PDCD4: variants seen among roughly 807,000 people sequenced by gnomAD.
PDCD4 encodes the protein programmed cell death 4.
A neutral mutation model predicts 54.0 loss-of-function variants in PDCD4; 56 were observed. The ratio of observed to expected loss-of-function variants is 1.04; its 90% CI spans 0.84 to 1.30. The LOEUF (loss-of-function observed/expected upper bound fraction) is 1.30. Among genes scored for constraint, PDCD4 ranks in the 50% most tolerant of loss-of-function variants. PDCD4 has a pLI of 0.00. For missense variants in PDCD4, 584 were observed against 559.8 expected (o/e 1.04, Z -0.44); for synonymous variants, 186 against 194.8 (o/e 0.95, Z 0.37).
chr10:110,886,928 C>T (rs1171818434), intron 5 of PDCD4, among the ~76,000 whole-genome samples: 2 of 152,002 alleles, frequency 1.3e-5, no homozygotes, highest in Non-Finnish European at 2.9e-5. Context: ...ATTTTTATTT[C>T]AAGAGAAGTC....
chr10:110,893,507 A>G (rs1165441897), intron 8 of PDCD4, among the ~76,000 whole-genome samples: 1 of 151,844 alleles, frequency 6.6e-6, no homozygotes, highest in Non-Finnish European at 1.5e-5. Context: ...GAGATGTTCA[A>G]GTTTGAGCGG....
At chr10:110,894,350 C>A in intron 9 of PDCD4, 62 bp from the exon 10 acceptor site, 1 of 932,090 alleles carries the variant, frequency 1.1e-6, no homozygotes, top group Non-Finnish European at 1.7e-6. Context: ...CATCTAGGTG[C>A]ATTTTAGGAG....
intron 2 of PDCD4, among the ~76,000 whole-genome samples, chr10:110,877,245 T>G (rs1344776241): frequency 6.6e-6 from 1 of 152,200 alleles, no homozygotes; most frequent in Non-Finnish European, 1.5e-5. Context: ...GGTAATTGCT[T>G]CTTTTCTGCA....
intron 11 of PDCD4, among the ~76,000 whole-genome samples, chr10:110,896,711 A>G (rs1845838739): frequency 6.6e-6 from 1 of 152,208 alleles, no homozygotes; most frequent in African/African-American, 2.4e-5. Context: ...ATGTAATAAT[A>G]TAAATGTTTA....
chr10:110,872,632 C>A (rs1284063130), intron 1 of PDCD4, among the ~76,000 whole-genome samples: 1 of 152,318 alleles, frequency 6.6e-6, no homozygotes, highest in Middle Eastern at 3.4e-3. Context: ...GGGGAGGGGC[C>A]GCGCGCTATC....
At chr10:110,893,818 C>T (rs1218860386) in intron 8 of PDCD4, among the ~76,000 whole-genome samples, 3 of 152,044 alleles carry the variant, frequency 2.0e-5, no homozygotes, top group African/African-American at 7.2e-5. Context: ...CAACCCAGGA[C>T]GCATGCATTA....
chr10:110,894,617 G>A, intron 10 of PDCD4, 95 bp downstream of exon 10: 2 of 606,902 alleles, frequency 3.3e-6, no homozygotes, highest in Non-Finnish European at 2.9e-6. Context: ...TTTTCTTTAG[G>A]TATGTTTAGT....
rs1465287337 is a variant in PDCD4 at position 110,881,402 on chromosome 10, T to G, written c.213T>G (p.Ser71=). ...TAAGGAAAAACTCATCCCGGGACTCTGGCAGAGGCGATTCGGTCAGCGACA... is the reference window on the plus strand; with the variant it reads ...TAAGGAAAAACTCATCCCGGGACTCGGGCAGAGGCGATTCGGTCAGCGACA... ...RRLRKNSSRD[S]GRGDSVSDSG... Residue 71 remains serine, a synonymous_variant, in exon 3 of 12, where the codon TCT becomes TCG. Transcript: ENST00000280154. 3.7e-6 allele frequency: 6 copies of G among 1,614,038 alleles called. No homozygotes were observed. The highest frequency in any genetic ancestry group is 5.1e-6 in the Non-Finnish European group (6 of 1,180,014).
At chr10:110,883,613 ATAAT>A (rs2135201485) in intron 4 of PDCD4, among the ~76,000 whole-genome samples, 1 of 152,302 alleles carries the variant, frequency 6.6e-6, no homozygotes, top group African/African-American at 2.4e-5. Flanking sequence ...ACAAACTTAA[ATAAT>A]TACAAACTCA....
chr10:110,880,273 A>G (rs1273833483), intron 2 of PDCD4: 1 of 152,298 alleles, frequency 6.6e-6, no homozygotes, highest in Non-Finnish European at 1.5e-5. Context: ...AGTGATTTCC[A>G]TGACGTGTTG....
intron 7 of PDCD4, 106 bp downstream of exon 7, chr10:110,889,736 G>C: frequency 1.4e-6 from 1 of 702,090 alleles, no homozygotes; most frequent in East Asian, 2.6e-5. Context: ...ACATCTGTTT[G>C]TCACTTCTCT....
In PDCD4 at chr10:110,899,167, TAACTC is replaced by T. The variant is rs1315592630; in HGVS notation, c.*1081_*1085del. On this transcript the variant is annotated 3_prime_UTR_variant, in exon 12 of 12. Coordinates refer to ENST00000280154, the MANE Select transcript of PDCD4 (RefSeq NM_014456.5). ...TTTTAACCTCTTTTACATAGCCTAA[TAACTC>T]AGCAAGGCCTCAACGTCTGTGCTAA... 4 of 152,224 alleles carry T rather than the reference TAACTC, an allele frequency of 2.6e-5. No homozygotes were observed. Among genetic ancestry groups the T allele is most frequent in the Non-Finnish European group, 5.9e-5 (4 of 68,022 alleles). The allele number at this position is 152,224 out of a possible 1,614,324, so 9.4% of individuals were successfully genotyped here. A position where few individuals can be genotyped will look rare whatever the true frequency, so the allele number is the denominator to read the frequency against.
rs985875614 is a variant in PDCD4 at position 110,899,789 on chromosome 10, CTT to C, written c.*1702_*1703del. 2 of 107,914 alleles carry C rather than the reference CTT, an allele frequency of 1.9e-5. No homozygotes were observed. Among genetic ancestry groups the C allele is most frequent in the African/African-American group, 6.5e-5 (2 of 30,714 alleles). 6.7% of individuals were successfully genotyped at this position (107,914 alleles called of 1,614,324 possible). ...TCGTTTGGGCAACAAGAGTGAAACTCTTGTCTCAAAAAAAAAAAAAAATGAGG... is the reference window on the plus strand; with the variant it reads ...TCGTTTGGGCAACAAGAGTGAAACTCGTCTCAAAAAAAAAAAAAAATGAGG... On this transcript the variant is annotated 3_prime_UTR_variant, in exon 12 of 12. Transcript: ENST00000280154.
chr10:110,898,260 CT>C lies in PDCD4; in HGVS notation c.*182del, dbSNP rs138010548. 9.3e-3 allele frequency: 3,088 copies of C among 331,036 alleles called. No individual in the cohort carries two copies. Among genetic ancestry groups the C allele is most frequent in the Middle Eastern group, 0.012 (15 of 1,286 alleles). 20.5% of individuals were successfully genotyped at this position (331,036 alleles called of 1,614,324 possible). The stretch of plus-strand genomic sequence containing the variant: ...GGAATTTTTAAAGGAAATGTTTTTT[CT>C]TTTTTTTTTGTTTTTCGAGGGGGCA... On this transcript the variant is annotated 3_prime_UTR_variant, in exon 12 of 12. Transcript: ENST00000280154.
chr10:110,889,055 C>T (rs1036250970), intron 6 of PDCD4, among the ~76,000 whole-genome samples: 2 of 151,774 alleles, frequency 1.3e-5, no homozygotes, highest in Non-Finnish European at 2.9e-5. Context: ...GATGGTGACA[C>T]CCCGTCTCTA....
rs1385425990 is a variant in PDCD4, at chr10:110,878,597, CTT to C, written c.43+2529_43+2530del. ...CACTTAATCATTTTTGTTTATCTCT[CTT>C]TACATTCACGCCCTTGTTCGTCTCT... is the stretch of plus-strand genomic sequence containing the variant. On this transcript the variant is annotated intron_variant, in intron 2 of 11. Coordinates refer to ENST00000280154, the MANE Select transcript of PDCD4 (RefSeq NM_014456.5). Among the ~76,000 whole-genome samples, 8 of 152,302 alleles carry C rather than the reference CTT, an allele frequency of 5.3e-5. No individual in the cohort carries two copies. In the East Asian group the frequency reaches 1.5e-3, roughly 29 times the overall value.
At chr10:110,884,959 A>C in intron 4 of PDCD4, 1 of 195,868 alleles carries the variant, frequency 5.1e-6, no homozygotes, top group Middle Eastern at 1.9e-3. Context: ...ATGTCTGGCT[A>C]ATTTTTAAAA....
At chr10:110,879,703 T>C (rs529558110) in intron 2 of PDCD4, among the ~76,000 whole-genome samples, 3 of 152,150 alleles carry the variant, frequency 2.0e-5, no homozygotes, top group Admixed American at 2.0e-4. Context: ...TGGGACTACT[T>C]TTAAAGGATC....
intron 10 of PDCD4, among the ~76,000 whole-genome samples, chr10:110,894,981 C>G (rs1201340631): frequency 2.0e-5 from 3 of 151,280 alleles, no homozygotes; most frequent in Non-Finnish European, 4.4e-5. Flanking sequence ...AGGAGTTTGC[C>G]CAATGTCTGA....
Sources: allele counts gnomAD v4.1 joint callset (sites outside exome capture counted in the v4.1 genomes callset), GRCh38; gene constraint gnomAD v4.1.1; transcripts MANE v1.5; gene names NCBI Gene and HGNC (gene_info 2026-07-23, HGNC 2026-07-21).